Variants in FMN1 observed in about 807,000 individuals in gnomAD.
FMN1 encodes the protein formin-1.
In FMN1, 110 loss-of-function variants were observed where a neutral mutation model predicts 132.4. That is an observed-to-expected ratio of 0.83 (90% CI 0.71 to 0.97). FMN1 has a LOEUF of 0.97. Ranked by LOEUF, FMN1 falls within the 50% of genes least tolerant of loss-of-function variation. FMN1 has a pLI of 0.00. For missense variants in FMN1, 1,792 were observed against 1,705.3 expected (o/e 1.05, Z -0.90); for synonymous variants, 722 against 651.7 (o/e 1.11, Z -1.64).
intron 9 of FMN1, among the ~76,000 whole-genome samples, chr15:32,945,001 A>G (rs2061478986): frequency 6.6e-6 from 1 of 152,186 alleles, no homozygotes; most frequent in Admixed American, 6.5e-5. Flanking sequence ...TCTAGACTCT[A>G]GAATTATGAG....
intron 17 of FMN1, among the ~76,000 whole-genome samples, chr15:32,855,436 C>G (rs1411850659): frequency 1.3e-5 from 2 of 152,102 alleles, no homozygotes; most frequent in Non-Finnish European, 2.9e-5. Context: ...CTTGGGAGCC[C>G]TAGTAGAGAA....
intron 4 of FMN1, among the ~76,000 whole-genome samples, chr15:33,130,200 C>T (rs1168316292): frequency 1.3e-5 from 2 of 152,174 alleles, no homozygotes; most frequent in East Asian, 3.9e-4. Flanking sequence ...GTTAAGATTG[C>T]CCTGCTAGCA....
chr15:33,133,589 T>C (rs960657587), intron 4 of FMN1, among the ~76,000 whole-genome samples: 4 of 152,208 alleles, frequency 2.6e-5, no homozygotes, highest in African/African-American at 9.6e-5. Flanking sequence ...TGAGGCTAGA[T>C]GACCTTCTCA....
chr15:33,011,832 T>A (rs189086694), intron 6 of FMN1, among the ~76,000 whole-genome samples: 201 of 152,238 alleles, frequency 1.3e-3, no homozygotes, highest in African/African-American at 4.7e-3. Context: ...ATAATAACTA[T>A]GTTAAAAGGT....
chr15:33,175,010 T>G (rs530478014), intron 3 of FMN1, among the ~76,000 whole-genome samples: 1 of 152,010 alleles, frequency 6.6e-6, no homozygotes, highest in African/African-American at 2.4e-5. Context: ...GTAAAACTAG[T>G]TTCCTTTCAG....
intron 19 of FMN1, among the ~76,000 whole-genome samples, chr15:32,783,753 A>G (rs1273894065): frequency 3.2e-5 from 1 of 31,340 alleles, no homozygotes; most frequent in African/African-American, 1.6e-4. Flanking sequence ...TCAAAAAAAA[A>G]AAAAAAAAAA....
At position 33,068,031 on chromosome 15, in the gene FMN1, G is replaced by C. The variant is rs568347094; in HGVS notation, c.2044-2957C>G. ...TGTCAGCCGCACAGCAAACACACTT[G>C]GTCTCTTTCGGGTCACAGTGCCCTC... On this transcript the variant is annotated intron_variant, in intron 5 of 20. Coordinates refer to ENST00000616417, the MANE Select transcript of FMN1 (RefSeq NM_001277313.2). 59 of 1,439,092 alleles carry C rather than the reference G, an allele frequency of 4.1e-5. No individual in the cohort carries two copies. The African/African-American group carries it at 7.9e-4, about 19-fold the overall frequency. 89.1% of individuals were successfully genotyped at this position (1,439,092 alleles called of 1,614,324 possible). A position where few individuals can be genotyped will look rare whatever the true frequency, so the allele number is the denominator to read the frequency against.
intron 4 of FMN1, among the ~76,000 whole-genome samples, chr15:33,128,618 C>A (rs1963357502): frequency 6.6e-6 from 1 of 152,170 alleles, no homozygotes; most frequent in Non-Finnish European, 1.5e-5. Context: ...CGGACCTTTG[C>A]GGCAAGTGTT....
At chr15:33,192,299 T>C (rs1222115514) in intron 2 of FMN1, among the ~76,000 whole-genome samples, 1 of 152,188 alleles carries the variant, frequency 6.6e-6, no homozygotes, top group Non-Finnish European at 1.5e-5. Context: ...TCCCCATTCC[T>C]CTTCCTCTGG....
chr15:32,831,084 G>A (rs1368943319), intron 17 of FMN1, among the ~76,000 whole-genome samples: 1 of 152,112 alleles, frequency 6.6e-6, no homozygotes, highest in Non-Finnish European at 1.5e-5. Context: ...CAGCCCATCT[G>A]AGTTCAATTT....
chr15:32,818,649 T>A (rs2058121157), intron 17 of FMN1, among the ~76,000 whole-genome samples: 1 of 152,196 alleles, frequency 6.6e-6, no homozygotes. Flanking sequence ...TTAAACCTAA[T>A]ATATACTACT....
chr15:32,969,524 C>CT, intron 7 of FMN1, 47 bp from the exon 8 acceptor site: 1 of 1,578,194 alleles, frequency 6.3e-7, no homozygotes, highest in Non-Finnish European at 8.6e-7. Context: ...TTATTAAGAA[C>CT]AAACTTAAGA....
chr15:33,047,959 C>T (rs999731897), intron 6 of FMN1, among the ~76,000 whole-genome samples: 23 of 151,752 alleles, frequency 1.5e-4, no homozygotes, highest in South Asian at 1.0e-3. Context: ...TATATATGTG[C>T]GCGTGTGTAA....
At chr15:33,165,333 A>C (rs1323482188) in intron 3 of FMN1, among the ~76,000 whole-genome samples, 3 of 152,268 alleles carry the variant, frequency 2.0e-5, no homozygotes, top group Non-Finnish European at 2.9e-5. Flanking sequence ...TTTCTGATTA[A>C]GGAAGCTGCT....
At chr15:32,860,024 A>T (rs2059228052) in intron 16 of FMN1, among the ~76,000 whole-genome samples, 1 of 151,760 alleles carries the variant, frequency 6.6e-6, no homozygotes, top group Non-Finnish European at 1.5e-5. Context: ...AGTGAGACAG[A>T]CAGACAAGAA....
chr15:32,926,272 A>G lies in FMN1; in HGVS notation c.3139-11T>C, dbSNP rs761239009. The G allele has an allele frequency of 1.7e-4, 72 of 425,510 alleles. No homozygotes were observed. In the Admixed American group the frequency reaches 4.1e-3, roughly 24 times the overall value. 26.4% of individuals were successfully genotyped at this position (425,510 alleles called of 1,614,324 possible). On this transcript the variant is annotated splice_polypyrimidine_tract_variant and intron_variant, in intron 9 of 20. Transcript: ENST00000616417. ...CAACAATTTGATGATCTAAAATTAGAAAAAAAAAAAAAAGAATACAAGCTC... is the reference window on the plus strand; with the variant it reads ...CAACAATTTGATGATCTAAAATTAGGAAAAAAAAAAAAAGAATACAAGCTC...
At position 32,949,998 on chromosome 15, in the gene FMN1, C is replaced by CATATATAT. The variant is rs1184946793; in HGVS notation, c.3138+14108_3138+14109insATATATAT. On this transcript the variant is annotated intron_variant, in intron 9 of 20. Coordinates refer to ENST00000616417, the MANE Select transcript of FMN1 (RefSeq NM_001277313.2). The stretch of plus-strand genomic sequence containing the variant: ...ATATATACACACACATATATATACA[C>CATATATAT]ATACACATATATATATACACATATA... Among the ~76,000 whole-genome samples the CATATATAT allele has an allele frequency of 1.2e-3, 8 of 6,536 alleles. 2 individuals are homozygous for CATATATAT. The highest frequency in any genetic ancestry group is 5.7e-3 in the South Asian group (1 of 174). The allele number at this position is 6,536 out of a possible 152,430, so 4.3% of individuals were successfully genotyped here. A position where few individuals can be genotyped will look rare whatever the true frequency, so the allele number is the denominator to read the frequency against.
chr15:33,043,886 C>T (rs1352375802), intron 6 of FMN1, among the ~76,000 whole-genome samples: 1 of 152,138 alleles, frequency 6.6e-6, no homozygotes. Flanking sequence ...AAGCCCCGCC[C>T]TCCTGGGTGC....
intron 5 of FMN1, chr15:33,068,212 T>C: frequency 4.0e-6 from 1 of 251,348 alleles, no homozygotes; most frequent in East Asian, 9.6e-5. Flanking sequence ...AAAAGCCTTT[T>C]TGTCATAGGG....
Sources: gnomAD v4.1 joint callset for allele counts (sites outside exome capture counted in the v4.1 genomes callset) on GRCh38, gnomAD v4.1.1 for gene constraint, MANE v1.5 for transcripts, NCBI Gene and HGNC (gene_info 2026-07-23, HGNC 2026-07-21) for gene names.